Variants in ADAMDEC1 observed in about 807,000 individuals in gnomAD.
ADAMDEC1 encodes the protein ADAM DEC1.
A neutral mutation model predicts 60.4 loss-of-function variants in ADAMDEC1; 62 were observed. The observed-to-expected ratio is 1.03, with a 90% CI of 0.84 to 1.27. ADAMDEC1 has a LOEUF of 1.27. ADAMDEC1 is among the 50% of genes most tolerant of loss of function. The pLI is 0.00. For missense variants in ADAMDEC1, 595 were observed against 565.0 expected (o/e 1.05, Z -0.54); for synonymous variants, 210 against 195.1 (o/e 1.08, Z -0.64).
Position 24,397,386 on chromosome 8 carries a change from C to A in ADAMDEC1, c.557C>A (p.Thr186Lys). 6.2e-7 allele frequency: 1 copy of A among 1,614,080 alleles called. No individual in the cohort carries two copies. The highest frequency in any genetic ancestry group is 8.5e-7 in the Non-Finnish European group (1 of 1,179,958). The change falls in exon 6 of 14, where the codon ACA becomes AAA. Residue 186 changes from threonine to lysine, a missense_variant. Coordinates refer to ENST00000256412, the MANE Select transcript of ADAMDEC1 (RefSeq NM_014479.3). ...NQEEQDPANH[T>K]CGVKSTDGKQ... ...GAGGAACAAGACCCAGCTAACCACA[C>A]ATGTGGTGTGAAGAGCACTGACGGG... is the stretch of plus-strand genomic sequence containing the variant.
intron 6 of ADAMDEC1, 77 bp downstream of exon 6, chr8:24,397,533 AATGAGTAGT>A: frequency 6.6e-7 from 1 of 1,524,114 alleles, no homozygotes; most frequent in Non-Finnish European, 9.0e-7. Flanking sequence ...TATTCTTAGA[AATGAGTAGT>A]ATGTGTATGT....
At chr8:24,389,699 A>G (rs1369081) in intron 1 of ADAMDEC1, among the ~76,000 whole-genome samples, 3,547 of 152,216 alleles carry the variant, frequency 0.023, 137 homozygotes, top group African/African-American at 0.082. Context: ...ATATTCTATT[A>G]TTCACTCTTC....
chr8:24,400,205 G>A lies in ADAMDEC1; in HGVS notation c.1047G>A (p.Val349=), dbSNP rs144434383. The A allele has an allele frequency of 6.8e-6, 11 of 1,606,248 alleles. No homozygotes were observed. The African/African-American group carries it at 1.3e-4, about 20-fold the overall frequency. The change falls in exon 11 of 14, where the codon GTG becomes GTA. Residue 349 remains valine, a synonymous_variant. Transcript: ENST00000256412. ...AGAATAATGTGGCTCTTGTAGGAGT[G>A]ATGTCACATGAGCTGGGCCATGTCC... ...KKKNNVALVG[V]MSHELGHVLG...
chr8:24,395,788 C>T lies in ADAMDEC1; in HGVS notation c.432C>T (p.Asp144=), dbSNP rs747232152. The change falls in exon 5 of 14, where the codon GAC becomes GAT. Residue 144 remains aspartate, a synonymous_variant. Coordinates refer to ENST00000256412, the MANE Select transcript of ADAMDEC1 (RefSeq NM_014479.3). Reference sequence around the variant, plus strand: ...CTGTTGCCAGCATCAGTACTTGTGACGGGTTGAGGTAAGAACTACCATCAA... The same window carrying T: ...CTGTTGCCAGCATCAGTACTTGTGATGGGTTGAGGTAAGAACTACCATCAA... ...KNSVASISTC[D]GLRGYFTHHH... 38 of 1,612,288 alleles carry T rather than the reference C, an allele frequency of 2.4e-5. No individual in the cohort carries two copies. Among genetic ancestry groups the T allele is most frequent in the Middle Eastern group, 1.7e-4 (1 of 6,032 alleles).
chr8:24,405,276 T>G lies in ADAMDEC1; in HGVS notation c.1407-16T>G. The G allele has an allele frequency of 1.2e-6, 2 of 1,611,832 alleles. No individual in the cohort carries two copies. The highest frequency in any genetic ancestry group is 8.5e-7 in the Non-Finnish European group (1 of 1,178,694). On this transcript the variant is annotated splice_polypyrimidine_tract_variant and intron_variant, in intron 13 of 13. Coordinates refer to ENST00000256412, the MANE Select transcript of ADAMDEC1 (RefSeq NM_014479.3). The stretch of plus-strand genomic sequence containing the variant: ...TAATAACCCTGGCTTCCAAATTTTA[T>G]TTTTCCTTCAATCAGAGAGTGAATC...
intron 9 of ADAMDEC1, 117 bp from the exon 10 acceptor site, chr8:24,399,276 G>A: frequency 8.7e-7 from 1 of 1,147,784 alleles, no homozygotes; most frequent in South Asian, 1.3e-5. Flanking sequence ...AAGTTTTTTG[G>A]GGCCTAGTGA....
chr8:24,384,415 A>T lies in ADAMDEC1; in HGVS notation c.-90A>T. ...CTCTTAAGAAACATTCCCCAATCTC[A>T]CACGAAAAGTGGGGGTTTTAATTTT... On this transcript the variant is annotated 5_prime_UTR_variant, in exon 1 of 14. Transcript: ENST00000256412. 9.4e-7 allele frequency: 1 copy of T among 1,067,272 alleles called. No individual in the cohort carries two copies. The highest frequency in any genetic ancestry group is 1.3e-6 in the Non-Finnish European group (1 of 752,068). The allele number at this position is 1,067,272 out of a possible 1,614,324, so 66.1% of individuals were successfully genotyped here.
chr8:24,398,076 T>C (rs752279373), intron 7 of ADAMDEC1, among the ~76,000 whole-genome samples: 83 of 150,482 alleles, frequency 5.5e-4, no homozygotes, highest in Non-Finnish European at 9.6e-4. Context: ...ATAAATATTA[T>C]ATCAATATAA....
chr8:24,404,844 G>A (rs141996711), intron 13 of ADAMDEC1, among the ~76,000 whole-genome samples: 4 of 152,186 alleles, frequency 2.6e-5, no homozygotes, highest in African/African-American at 9.6e-5. Context: ...AAGGACCAAC[G>A]CTTGTTTATT....
In ADAMDEC1 at chr8:24,401,873, C is replaced by A. The variant is rs774315977; in HGVS notation, c.1143-42C>A. 1.7e-5 allele frequency: 25 copies of A among 1,464,442 alleles called. No homozygotes were observed. The South Asian group carries it at 2.7e-4, about 16-fold the overall frequency. The allele number at this position is 1,464,442 out of a possible 1,614,324, so 90.7% of individuals were successfully genotyped here. On this transcript the variant is annotated intron_variant, in intron 11 of 13. Coordinates refer to ENST00000256412, the MANE Select transcript of ADAMDEC1 (RefSeq NM_014479.3). ...ATTCTGTGTTTCACGCAGAAGGCAC[C>A]ACACTGTATATCATATTATTTGAGT...
In ADAMDEC1 at chr8:24,384,374, T is replaced by G. The variant is rs1341843873; in HGVS notation, c.-131T>G. ...TCATGATGTTGACACTGCAATTTTT[T>G]GACAATTTCCCAACACTCTTAAGAA... On this transcript the variant is annotated 5_prime_UTR_variant, in exon 1 of 14. Coordinates refer to ENST00000256412, the MANE Select transcript of ADAMDEC1 (RefSeq NM_014479.3). The G allele has an allele frequency of 1.4e-6, 1 of 699,744 alleles. No homozygotes were observed. Among genetic ancestry groups the G allele is most frequent in the African/African-American group, 1.8e-5 (1 of 54,434 alleles). The allele number at this position is 699,744 out of a possible 1,614,324, so 43.3% of individuals were successfully genotyped here. A position where few individuals can be genotyped will look rare whatever the true frequency, so the allele number is the denominator to read the frequency against.
rs867517110 is a variant in ADAMDEC1, at chr8:24,392,886, G to T, written c.208-376G>T. ...TACCTAATTCTTAGTGGGTTGAGAG[G>T]TTTTTTTTTTTTTTTTTTTTTTTTT... On this transcript the variant is annotated intron_variant, in intron 2 of 13. Transcript: ENST00000256412. Among the ~76,000 whole-genome samples the T allele has an allele frequency of 3.2e-3, 163 of 50,366 alleles. 2 individuals carry two copies. Among genetic ancestry groups the T allele is most frequent in the African/African-American group, 0.01 (151 of 14,644 alleles). 33.0% of individuals were successfully genotyped at this position (50,366 alleles called of 152,430 possible). A position where few individuals can be genotyped will look rare whatever the true frequency, so the allele number is the denominator to read the frequency against.
At chr8:24,401,486 C>T (rs1331728856) in intron 11 of ADAMDEC1, among the ~76,000 whole-genome samples, 1 of 152,090 alleles carries the variant, frequency 6.6e-6, no homozygotes. Flanking sequence ...TTGAAATGCT[C>T]ACAAAGAAGG....
chr8:24,399,568 C>T, intron 10 of ADAMDEC1, 94 bp downstream of exon 10: 1 of 1,052,840 alleles, frequency 9.5e-7, no homozygotes, highest in Non-Finnish European at 1.5e-6. Context: ...TGAACATTTG[C>T]TGAATCAATG....
intron 13 of ADAMDEC1, among the ~76,000 whole-genome samples, 179 bp downstream of exon 13, chr8:24,404,267 C>G (rs1382245469): frequency 6.6e-6 from 1 of 152,114 alleles, no homozygotes; most frequent in Non-Finnish European, 1.5e-5. Context: ...GGATTGTAGA[C>G]AAACACTCAT....
Position 24,386,185 on chromosome 8 carries a change from T to C in ADAMDEC1, c.88+1593T>C, listed in dbSNP as rs552265130. Among the ~76,000 whole-genome samples, 12 of 152,290 alleles carry C rather than the reference T, an allele frequency of 7.9e-5. No homozygotes were observed. In the South Asian group the frequency reaches 2.3e-3, roughly 29 times the overall value. ...CTTTAGATAACCCAATAGTTAACAA[T>C]GAAAGCTATTATTTTGGAAGATATT... On this transcript the variant is annotated intron_variant, in intron 1 of 13. Coordinates refer to ENST00000256412, the MANE Select transcript of ADAMDEC1 (RefSeq NM_014479.3).
At position 24,405,551 on chromosome 8, in the gene ADAMDEC1, T is replaced by G. The variant is rs1420062154; in HGVS notation, c.*253T>G. ...TTTTAAAGATCATGAATTTGTGACTTAGTTCTGCCCTTTGGAGAACAAAAG... is the reference window on the plus strand; with the variant it reads ...TTTTAAAGATCATGAATTTGTGACTGAGTTCTGCCCTTTGGAGAACAAAAG... On this transcript the variant is annotated 3_prime_UTR_variant, in exon 14 of 14. Transcript: ENST00000256412. 8.9e-6 allele frequency: 4 copies of G among 447,074 alleles called. No individual in the cohort carries two copies. The East Asian group carries it at 1.1e-4, about 13-fold the overall frequency. The allele number at this position is 447,074 out of a possible 1,614,324, so 27.7% of individuals were successfully genotyped here. A position where few individuals can be genotyped will look rare whatever the true frequency, so the allele number is the denominator to read the frequency against.
chr8:24,384,510 G>A lies in ADAMDEC1; in HGVS notation c.6G>A (p.Leu2=), dbSNP rs773408431. The part of the protein sequence containing the change: M[L]RGISQLPAVA... ...ACTGGGGAGACCACAACTTCATGCTGCGTGGGATCTCCCAGCTACCTGCAG... is the reference window on the plus strand; with the variant it reads ...ACTGGGGAGACCACAACTTCATGCTACGTGGGATCTCCCAGCTACCTGCAG... Residue 2 remains leucine (L), a synonymous_variant, in exon 1 of 14, where the codon CTG becomes CTA. Coordinates refer to ENST00000256412, the MANE Select transcript of ADAMDEC1 (RefSeq NM_014479.3). The A allele has an allele frequency of 6.2e-7, 1 of 1,606,974 alleles. No individual in the cohort carries two copies. Among genetic ancestry groups the A allele is most frequent in the Non-Finnish European group, 8.5e-7 (1 of 1,176,302 alleles).
chr8:24,385,216 C>T (rs2129355928), intron 1 of ADAMDEC1, among the ~76,000 whole-genome samples: 1 of 152,212 alleles, frequency 6.6e-6, no homozygotes, highest in East Asian at 1.9e-4. Flanking sequence ...AAGCTGTAAA[C>T]CTACGTATTT....
Sources: allele counts gnomAD v4.1 joint callset (sites outside exome capture counted in the v4.1 genomes callset), GRCh38; gene constraint gnomAD v4.1.1; transcripts MANE v1.5; gene names NCBI Gene and HGNC (gene_info 2026-07-23, HGNC 2026-07-21).